Variants in PXDNL observed in about 807,000 individuals in gnomAD.
The protein encoded by PXDNL is peroxidasin like.
A neutral mutation model predicts 150.8 loss-of-function variants in PXDNL; 145 were observed. That is an observed-to-expected ratio of 0.96 (90% CI 0.84 to 1.10). The LOEUF is 1.10. Ranked by LOEUF, PXDNL falls within the 50% of genes least tolerant of loss-of-function variation. The pLI is 0.00. For missense variants in PXDNL, 2,087 were observed against 1,873.9 expected, an observed-to-expected ratio of 1.11 and a Z score of -2.10; for synonymous variants, 757 against 725.7, an observed-to-expected ratio of 1.04 and a Z score of -0.69.
chr8:51,476,690 G>A (rs1328041280), intron 6 of PXDNL, among the ~76,000 whole-genome samples: 1 of 152,096 alleles, frequency 6.6e-6, no homozygotes, highest in Admixed American at 6.5e-5. Flanking sequence ...TCTCCCAATG[G>A]GTTAAAAAGG....
At chr8:51,462,702 G>A (rs575448371) in intron 8 of PXDNL, among the ~76,000 whole-genome samples, 29 of 152,236 alleles carry the variant, frequency 1.9e-4, no homozygotes, top group African/African-American at 7.0e-4. Flanking sequence ...AAATGAAGAA[G>A]AGTAAACAAC....
chr8:51,798,271 C>T (rs184725538), intron 1 of PXDNL, among the ~76,000 whole-genome samples: 4 of 152,250 alleles, frequency 2.6e-5, no homozygotes, highest in African/African-American at 9.6e-5. Context: ...GACATAGGCA[C>T]AGGCAAAGAT....
intron 1 of PXDNL, among the ~76,000 whole-genome samples, chr8:51,759,794 T>A (rs140119531): frequency 2.3e-3 from 355 of 152,354 alleles, no homozygotes; most frequent in African/African-American, 8.1e-3. Flanking sequence ...AACATTTAAT[T>A]TAACGTGGGT....
chr8:51,782,430 T>C (rs915122058), intron 1 of PXDNL, among the ~76,000 whole-genome samples: 3 of 152,178 alleles, frequency 2.0e-5, no homozygotes, highest in Non-Finnish European at 2.9e-5. Flanking sequence ...TTCCCTCCTA[T>C]GGCAGGACTA....
intron 1 of PXDNL, among the ~76,000 whole-genome samples, chr8:51,782,211 G>C (rs2037422154): frequency 6.6e-6 from 1 of 152,146 alleles, no homozygotes; most frequent in South Asian, 2.1e-4. Flanking sequence ...CCAGCAAATA[G>C]AGCAGTGTTG....
At chr8:51,585,235 T>C (rs1813297900) in intron 3 of PXDNL, among the ~76,000 whole-genome samples, 1 of 152,150 alleles carries the variant, frequency 6.6e-6, no homozygotes, top group African/African-American at 2.4e-5. Flanking sequence ...AGGGAAATAT[T>C]GAGTTAGAAA....
chr8:51,420,736 G>A (rs183482253), intron 14 of PXDNL, among the ~76,000 whole-genome samples: 145 of 152,246 alleles, frequency 9.5e-4, no homozygotes, highest in African/African-American at 3.5e-3. Context: ...TGTCATCCAG[G>A]CTGGAGTGCA....
chr8:51,338,787 A>T lies in PXDNL; in HGVS notation c.4146+837T>A, dbSNP rs970690114. On this transcript the variant is annotated intron_variant, in intron 21 of 22. Coordinates refer to ENST00000356297, the MANE Select transcript of PXDNL (RefSeq NM_144651.5). The stretch of plus-strand genomic sequence containing the variant: ...AGTTTTTGGAAAAATGAAATAAGGC[A>T]TGAGCCAGAACAACTGGCAAAATAA... Among the ~76,000 whole-genome samples the T allele has an allele frequency of 2.6e-5, 4 of 152,246 alleles. No homozygotes were observed. The East Asian group carries it at 5.8e-4, about 22-fold the overall frequency.
chr8:51,413,694 C>T (rs550461649), intron 14 of PXDNL, among the ~76,000 whole-genome samples: 1 of 152,152 alleles, frequency 6.6e-6, no homozygotes, highest in South Asian at 2.1e-4. Context: ...ATTGAACTCT[C>T]AATAAGATTT....
At position 51,413,236 on chromosome 8, in the gene PXDNL, G is replaced by A. The variant is rs10504119; in HGVS notation, c.1818C>T (p.Gly606=). The A allele has an allele frequency of 0.036, 58,368 of 1,605,878 alleles. 2,187 individuals carry two copies. Among genetic ancestry groups the A allele is most frequent in the East Asian group, 0.22 (9,859 of 44,576 alleles). The stretch of plus-strand genomic sequence containing the variant: ...GAATGGAAGATTCAACAAAGTCATC[G>A]CCAGCTTGTCTACCCTGTATAGCTT... ...TVTAIQGRQA[G]DDFVESSILD... The change falls in exon 15 of 23, where the codon GGC becomes GGT. Residue 606 remains glycine, a synonymous_variant. Transcript: ENST00000356297.
At position 51,590,928 on chromosome 8, in the gene PXDNL, C is replaced by T. The variant is rs184110454; in HGVS notation, c.308+1699G>A. ...TAAGAAGGACATGAGTTTTGTGAGG[C>T]GAAGAGGCAGAATGCTACAGTTTAA... On this transcript the variant is annotated intron_variant, in intron 3 of 22. Coordinates refer to ENST00000356297, the MANE Select transcript of PXDNL (RefSeq NM_144651.5). Among the ~76,000 whole-genome samples the T allele has an allele frequency of 1.1e-3, 170 of 152,132 alleles. 2 individuals are homozygous for T. The highest frequency in any genetic ancestry group is 4.1e-4 in the South Asian group (2 of 4,820).
intron 19 of PXDNL, among the ~76,000 whole-genome samples, chr8:51,363,973 T>C (rs1806834620): frequency 6.6e-6 from 1 of 152,204 alleles, no homozygotes; most frequent in Non-Finnish European, 1.5e-5. Context: ...CTAGAGGAAC[T>C]GACTGAATTG....
chr8:51,663,331 C>T (rs564629034), intron 1 of PXDNL, among the ~76,000 whole-genome samples: 1 of 152,334 alleles, frequency 6.6e-6, no homozygotes, highest in South Asian at 2.1e-4. Context: ...GAAAACCCAT[C>T]TCCTGATTTC....
intron 17 of PXDNL, among the ~76,000 whole-genome samples, chr8:51,395,407 G>GT (rs1808050562): frequency 6.6e-6 from 1 of 152,182 alleles, no homozygotes; most frequent in Admixed American, 6.5e-5. Context: ...GTTTATAACA[G>GT]TGACTTAATA....
chr8:51,714,270 A>G (rs1450385768), intron 1 of PXDNL, among the ~76,000 whole-genome samples: 6 of 152,220 alleles, frequency 3.9e-5, no homozygotes, highest in Non-Finnish European at 8.8e-5. Context: ...AGGATGACTT[A>G]TCATTGGCTA....
intron 4 of PXDNL, among the ~76,000 whole-genome samples, chr8:51,548,988 A>G (rs1480466192): frequency 6.6e-6 from 1 of 152,192 alleles, no homozygotes; most frequent in South Asian, 2.1e-4. Flanking sequence ...GGGAAAAGGG[A>G]TTTCATGCAA....
intron 8 of PXDNL, 106 bp downstream of exon 8, chr8:51,472,073 AGAAACTCT>A (rs1289247825): frequency 4.7e-6 from 3 of 639,636 alleles, no homozygotes; most frequent in Non-Finnish European, 8.1e-6. Flanking sequence ...TTTATCTTTA[AGAAACTCT>A]GAAAATTTTA....
intron 1 of PXDNL, among the ~76,000 whole-genome samples, chr8:51,791,329 G>C (rs1335606710): frequency 6.6e-6 from 1 of 152,256 alleles, no homozygotes; most frequent in Non-Finnish European, 1.5e-5. Context: ...GTGAGACTCA[G>C]ATCATATTCA....
chr8:51,443,654 T>C (rs1284092204), intron 12 of PXDNL, among the ~76,000 whole-genome samples: 1 of 152,224 alleles, frequency 6.6e-6, no homozygotes, highest in Non-Finnish European at 1.5e-5. Context: ...AAATTAATTA[T>C]ATTTTCTACA....
Sources: allele counts gnomAD v4.1 joint callset (sites outside exome capture counted in the v4.1 genomes callset), GRCh38; gene constraint gnomAD v4.1.1; transcripts MANE v1.5; gene names NCBI Gene and HGNC (gene_info 2026-07-23, HGNC 2026-07-21).